Variants in ATE1 observed in about 807,000 individuals in gnomAD.
ATE1 encodes the protein arginyltransferase 1, also known as arginyl-tRNA--protein transferase 1.
A neutral mutation model predicts 70.5 loss-of-function variants in ATE1; 36 were observed. The observed-to-expected ratio is 0.51, with a 90% CI of 0.39 to 0.67. The LOEUF is 0.67. ATE1 is among the 30% of genes least tolerant of loss of function. The pLI, the probability that ATE1 is intolerant of heterozygous loss-of-function variation, is 0.00. For missense variants in ATE1, 593 were observed against 629.5 expected (o/e 0.94, Z 0.62); for synonymous variants, 232 against 219.3 (o/e 1.06, Z -0.51).
chr10:121,927,798 G>A (rs1952161463), intron 1 of ATE1, 46 bp downstream of exon 1: 2 of 1,520,188 alleles, frequency 1.3e-6, no homozygotes, highest in Non-Finnish European at 1.8e-6. Flanking sequence ...GGGATCCCGA[G>A]ACCCGGGCGC....
intron 5 of ATE1, among the ~76,000 whole-genome samples, chr10:121,903,360 A>G (rs531326720): frequency 6.6e-6 from 1 of 152,296 alleles, no homozygotes; most frequent in African/African-American, 2.4e-5. Context: ...GGAACCAGGT[A>G]TAAAGGAATA....
At chr10:121,859,325 C>T (rs1173065111) in intron 8 of ATE1, among the ~76,000 whole-genome samples, 2 of 148,950 alleles carry the variant, frequency 1.3e-5, no homozygotes, top group South Asian at 2.1e-4. Context: ...GGCGGGATCT[C>T]GGCTCACTGC....
At chr10:121,817,810 C>A (rs1947619840) in intron 10 of ATE1, among the ~76,000 whole-genome samples, 1 of 152,034 alleles carries the variant, frequency 6.6e-6, no homozygotes, top group African/African-American at 2.4e-5. Context: ...GAGAAGAGGT[C>A]ACAGTCAAAG....
intron 7 of ATE1, among the ~76,000 whole-genome samples, chr10:121,877,159 A>G (rs1186182823): frequency 6.6e-6 from 1 of 152,150 alleles, no homozygotes; most frequent in Non-Finnish European, 1.5e-5. Flanking sequence ...CTCCTCTAAC[A>G]GGAAGATCAT....
chr10:121,765,580 C>T (rs1046325971), intron 11 of ATE1, among the ~76,000 whole-genome samples: 3 of 152,166 alleles, frequency 2.0e-5, no homozygotes, highest in Non-Finnish European at 4.4e-5. Flanking sequence ...GGTGTATTAA[C>T]AATTTATTGC....
intron 10 of ATE1, among the ~76,000 whole-genome samples, chr10:121,835,129 T>C (rs1401013250): frequency 6.6e-6 from 1 of 152,188 alleles, no homozygotes; most frequent in Non-Finnish European, 1.5e-5. Flanking sequence ...AGAACATATG[T>C]TAAGGCCCAT....
At chr10:121,874,947 T>A (rs1457819379) in intron 7 of ATE1, among the ~76,000 whole-genome samples, 2 of 151,014 alleles carry the variant, frequency 1.3e-5, no homozygotes, top group Non-Finnish European at 1.5e-5. Context: ...GAGACCATCC[T>A]GGCTAACACA....
At chr10:121,894,200 T>C (rs1590653756) in intron 7 of ATE1, among the ~76,000 whole-genome samples, 2 of 141,444 alleles carry the variant, frequency 1.4e-5, no homozygotes, top group African/African-American at 5.2e-5. Flanking sequence ...GAAATGGAAA[T>C]GGAAGTAAAA....
intron 11 of ATE1, among the ~76,000 whole-genome samples, chr10:121,781,583 C>G (rs1945990696): frequency 6.6e-6 from 1 of 152,134 alleles, no homozygotes; most frequent in Non-Finnish European, 1.5e-5. Context: ...CTCCCTAGAC[C>G]CTACTCCTGT....
chr10:121,791,096 A>ATTTT lies in ATE1; in HGVS notation c.1258-811_1258-808dup, dbSNP rs10584053. ...TGTGTGTGTGTGTGTGTGTATATAT[A>ATTTT]TTTTTTTTTTTTTTTGAGATAGATT... On this transcript the variant is annotated intron_variant, in intron 10 of 11. Transcript: ENST00000224652. Among the ~76,000 whole-genome samples, 412 of 94,412 alleles carry ATTTT rather than the reference A, an allele frequency of 4.4e-3. 5 individuals are homozygous for ATTTT. The highest frequency in any genetic ancestry group is 0.019 in the South Asian group (64 of 3,362). 61.9% of individuals were successfully genotyped at this position (94,412 alleles called of 152,430 possible).
intron 8 of ATE1, among the ~76,000 whole-genome samples, chr10:121,852,893 G>A (rs1449414166): frequency 6.6e-6 from 1 of 152,110 alleles, no homozygotes; most frequent in Non-Finnish European, 1.5e-5. Context: ...CATAGTTTTA[G>A]ATAAGTTACT....
chr10:121,901,867 T>C (rs1327142973), intron 6 of ATE1, among the ~76,000 whole-genome samples: 1 of 152,218 alleles, frequency 6.6e-6, no homozygotes, highest in African/African-American at 2.4e-5. Flanking sequence ...AGTATTCATA[T>C]TATGCCCAAA....
intron 7 of ATE1, among the ~76,000 whole-genome samples, chr10:121,884,105 CAAAAA>C (rs56040116): frequency 1.2e-4 from 5 of 43,428 alleles, no homozygotes; most frequent in East Asian, 9.0e-4. Context: ...GACCCAGACT[CAAAAA>C]AAAAAAAAAA....
intron 10 of ATE1, among the ~76,000 whole-genome samples, chr10:121,812,605 T>C (rs976351909): frequency 2.0e-5 from 3 of 152,108 alleles, no homozygotes; most frequent in African/African-American, 7.3e-5. Context: ...GTTTTGCTTA[T>C]TATTATGGTC....
intron 8 of ATE1, among the ~76,000 whole-genome samples, chr10:121,856,088 A>G (rs1364271983): frequency 6.6e-6 from 1 of 151,986 alleles, no homozygotes; most frequent in East Asian, 1.9e-4. Flanking sequence ...AAAAAAAAAA[A>G]AAAAAGAATC....
At chr10:121,875,194 A>G (rs1950004705) in intron 7 of ATE1, among the ~76,000 whole-genome samples, 2 of 150,630 alleles carry the variant, frequency 1.3e-5, no homozygotes, top group African/African-American at 4.9e-5. Flanking sequence ...CAATATAGTT[A>G]AACCTTTGTC....
intron 7 of ATE1, among the ~76,000 whole-genome samples, chr10:121,881,669 TA>T (rs11309013): frequency 0.31 from 39,437 of 125,426 alleles, 5,985 homozygotes; most frequent in South Asian, 0.44. Flanking sequence ...TCCTGTCTCT[TA>T]AAAAAAAAAA....
At chr10:121,891,987 A>T (rs1010925344) in intron 7 of ATE1, among the ~76,000 whole-genome samples, 3 of 152,244 alleles carry the variant, frequency 2.0e-5, no homozygotes, top group Non-Finnish European at 4.4e-5. Context: ...GCATTAGAGC[A>T]GAAAGAGAAG....
chr10:121,820,814 C>T (rs375483511), intron 10 of ATE1, among the ~76,000 whole-genome samples: 1 of 152,248 alleles, frequency 6.6e-6, no homozygotes, highest in East Asian at 1.9e-4. Context: ...TAAGAAGCTA[C>T]ATAAAATTAT....
Sources: gnomAD v4.1 joint callset for allele counts (sites outside exome capture counted in the v4.1 genomes callset) on GRCh38, gnomAD v4.1.1 for gene constraint, MANE v1.5 for transcripts, NCBI Gene and HGNC (gene_info 2026-07-23, HGNC 2026-07-21) for gene names.